Variants in AEN observed in about 807,000 individuals in gnomAD.
The protein encoded by AEN is apoptosis enhancing nuclease.
In AEN, 21 loss-of-function variants were observed where a neutral mutation model predicts 17.7. The observed-to-expected ratio is 1.19, with a 90% CI of 0.84 to 1.71. The LOEUF is 1.71. Among genes scored for constraint, AEN ranks in the 40% most tolerant of loss-of-function variants. The pLI, the probability that AEN is intolerant of heterozygous loss-of-function variation, is 0.00. For missense variants in AEN, 462 were observed against 435.9 expected (o/e 1.06, Z -0.53); for synonymous variants, 190 against 173.0 (o/e 1.10, Z -0.77).
chr15:88,616,293 C>T, the AEN span, among the ~76,000 whole-genome samples: 6 of 152,100 alleles, frequency 3.9e-5, no homozygotes, highest in South Asian at 8.3e-4. Context: ...GGAGTTTCAC[C>T]GTGTTGGTCA....
At chr15:88,618,005 C>T (rs1313957383), upstream of AEN, among the ~76,000 whole-genome samples, 1 of 152,174 alleles carries the variant, frequency 6.6e-6, no homozygotes, top group African/African-American at 2.4e-5. Flanking sequence ...CTGCCCCACC[C>T]TGTCACTCTC....
chr15:88,617,127 G>A (rs770173290), upstream of AEN, among the ~76,000 whole-genome samples: 1 of 152,114 alleles, frequency 6.6e-6, no homozygotes, highest in Non-Finnish European at 1.5e-5. Flanking sequence ...GTCTCACTAT[G>A]TTGCCCAGGC....
chr15:88,622,666 A>G (rs1161160219), intron 1 of AEN, among the ~76,000 whole-genome samples: 1 of 152,330 alleles, frequency 6.6e-6, no homozygotes, highest in Admixed American at 6.5e-5. Flanking sequence ...CTTCTATACA[A>G]TGTCTGAAAT....
chr15:88,624,337 G>C (rs1247264221), intron 1 of AEN, among the ~76,000 whole-genome samples: 1 of 152,202 alleles, frequency 6.6e-6, no homozygotes, highest in Non-Finnish European at 1.5e-5. Flanking sequence ...TGAGTGGGAA[G>C]GGAGGCTGTG....
At chr15:88,607,701 C>A in the AEN span, among the ~76,000 whole-genome samples, 264 of 152,286 alleles carry the variant, frequency 1.7e-3, 3 homozygotes, top group East Asian at 0.024. Context: ...CTTTTCTTTT[C>A]TCCTCTTGTT....
chr15:88,630,293 G>A lies in AEN; in HGVS notation c.977G>A (p.Ter326=), dbSNP rs2057911946. The change falls in exon 4 of 4, where the codon TGA becomes TAA. Residue 326 remains the stop codon, a stop_retained_variant. Coordinates refer to ENST00000332810, the MANE Select transcript of AEN (RefSeq NM_022767.4). The surrounding 1 kb of genome is among the most constrained non-coding windows in gnomAD (Gnocchi z 5.1). The part of the protein sequence containing the change: ...GAREAQDRRN[*] The stretch of plus-strand genomic sequence containing the variant: ...AGGGAGGCACAGGACAGAAGGAATT[G>A]AGAAGGGGGCGGGGCTCCCTGGCTG... The A allele has an allele frequency of 1.3e-6, 2 of 1,575,288 alleles. No homozygotes were observed. The highest frequency in any genetic ancestry group is 2.3e-5 in the South Asian group (2 of 86,186).
chr15:88,626,638 T>G lies in AEN; in HGVS notation c.429T>G (p.Tyr143Ter), dbSNP rs560646820. The change falls in exon 2 of 4, where the codon TAT becomes TAG. Residue 143 changes from tyrosine to a stop codon, truncating the protein, a stop_gained. Transcript: ENST00000332810. LOFTEE classifies it high-confidence loss of function. ...SIVSYHGNVL[Y>*]DKYIRPEMPI... ...TGAGCTACCATGGCAATGTCCTCTA[T>G]GACAAGTACATCAGGCCTGAGATGC... The G allele has an allele frequency of 1.2e-6, 2 of 1,613,932 alleles. No homozygotes were observed. The highest frequency in any genetic ancestry group is 2.7e-5 in the African/African-American group (2 of 74,954).
chr15:88,625,235 A>T (rs1165663168), intron 1 of AEN, among the ~76,000 whole-genome samples: 1 of 152,210 alleles, frequency 6.6e-6, no homozygotes, highest in Non-Finnish European at 1.5e-5. Flanking sequence ...AATTACACTT[A>T]AAGGCTGGAC....
chr15:88,610,383 A>G, the AEN span, among the ~76,000 whole-genome samples: 1 of 150,114 alleles, frequency 6.7e-6, no homozygotes, highest in African/African-American at 2.5e-5. Flanking sequence ...AAGGATGGGG[A>G]AAGGAGGTCT....
chr15:88,617,800 T>C (rs1434385992), upstream of AEN, among the ~76,000 whole-genome samples: 2 of 151,874 alleles, frequency 1.3e-5, no homozygotes, highest in African/African-American at 4.8e-5. Flanking sequence ...ATTTGCCTCA[T>C]AAGTGACTAG....
Position 88,630,396 on chromosome 15 carries a change from G to A in AEN, c.*102G>A. On this transcript the variant is annotated 3_prime_UTR_variant, in exon 4 of 4. Coordinates refer to ENST00000332810, the MANE Select transcript of AEN (RefSeq NM_022767.4). The surrounding 1 kb of genome is among the most constrained non-coding windows in gnomAD (Gnocchi z 5.1). ...CTTCCTGGGCAGGGTGGGGCAGGAT[G>A]CAGTGAGCCAGCCCCAGGGCCAGAG... 4.4e-6 allele frequency: 5 copies of A among 1,135,784 alleles called. No individual in the cohort carries two copies. The highest frequency in any genetic ancestry group is 6.3e-6 in the Non-Finnish European group (5 of 788,620). 70.4% of individuals were successfully genotyped at this position (1,135,784 alleles called of 1,614,324 possible). A position where few individuals can be genotyped will look rare whatever the true frequency, so the allele number is the denominator to read the frequency against.
At chr15:88,622,621 A>T (rs2057802165) in intron 1 of AEN, among the ~76,000 whole-genome samples, 1 of 151,546 alleles carries the variant, frequency 6.6e-6, no homozygotes, top group African/African-American at 2.4e-5. Flanking sequence ...TCAGAGTGAA[A>T]CAGAACAGAA....
chr15:88,630,908 C>CAATGG lies in AEN; in HGVS notation c.*614_*615insAATGG. ...TCTGGCTACAGCCATTGTAGGAACTCCGTGCCTGGCCTGTCAGCTCCCTGC... is the reference window on the plus strand; with the variant it reads ...TCTGGCTACAGCCATTGTAGGAACTCAATGGCGTGCCTGGCCTGTCAGCTCCCTGC... On this transcript the variant is annotated 3_prime_UTR_variant, in exon 4 of 4. Transcript: ENST00000332810. This position sits in a 1 kb window ranked among gnomAD's most constrained non-coding sequence, Gnocchi z 5.1. The CAATGG allele has an allele frequency of 3.3e-6, 1 of 306,976 alleles. No homozygotes were observed. The highest frequency in any genetic ancestry group is 6.7e-6 in the Non-Finnish European group (1 of 148,940). 19.0% of individuals were successfully genotyped at this position (306,976 alleles called of 1,614,324 possible).
At chr15:88,609,545 A>G in the AEN span, among the ~76,000 whole-genome samples, 1 of 152,212 alleles carries the variant, frequency 6.6e-6, no homozygotes, top group African/African-American at 2.4e-5. Context: ...GTTTGGGATC[A>G]TTGTCATGGA....
rs777238934 is a variant in AEN, at chr15:88,626,216, C to T, written c.7C>T (p.Pro3Ser). 2.5e-6 allele frequency: 4 copies of T among 1,582,920 alleles called. No individual in the cohort carries two copies. The East Asian group carries it at 9.0e-5, about 36-fold the overall frequency. Residue 3 changes from proline to serine, a missense_variant, in exon 2 of 4, where the codon CCC becomes TCC. By Grantham distance (74) the Pro-to-Ser change is moderately conservative. Coordinates refer to ENST00000332810, the MANE Select transcript of AEN (RefSeq NM_022767.4). MV[P>S]REAPESAQCL... ...AAGCAGTGAGCTGACTGGAATGGTA[C>T]CCCGGGAGGCCCCTGAGTCTGCTCA... is the stretch of plus-strand genomic sequence containing the variant.
upstream of AEN, among the ~76,000 whole-genome samples, chr15:88,616,513 A>G (rs1032815219): frequency 2.6e-5 from 4 of 152,300 alleles, no homozygotes; most frequent in East Asian, 5.8e-4. Flanking sequence ...TTGGAGGGTG[A>G]GTTTAGTGGT....
chr15:88,611,185 T>A, the AEN span, among the ~76,000 whole-genome samples: 1 of 152,158 alleles, frequency 6.6e-6, no homozygotes, highest in Admixed American at 6.5e-5. Context: ...GGGTCACCAT[T>A]TCCAAGCTCT....
At position 88,631,307 on chromosome 15, in the gene AEN, C is replaced by G. The variant is rs1296038121; in HGVS notation, c.*1013C>G. ...GTGGCCCTGAACCTGGTCTGGTGCC[C>G]CCGAACCTGGTCTGATGCCCCCTCA... On this transcript the variant is annotated 3_prime_UTR_variant, in exon 4 of 4. Transcript: ENST00000332810. 2 of 362,328 alleles carry G rather than the reference C, an allele frequency of 5.5e-6. No homozygotes were observed. Among genetic ancestry groups the G allele is most frequent in the African/African-American group, 4.2e-5 (2 of 48,176 alleles). The allele number at this position is 362,328 out of a possible 1,614,324, so 22.4% of individuals were successfully genotyped here.
chr15:88,626,169 C>T lies in AEN; in HGVS notation c.-41C>T, dbSNP rs373223142. 2.7e-5 allele frequency: 41 copies of T among 1,524,980 alleles called. No individual in the cohort carries two copies. The highest frequency in any genetic ancestry group is 3.3e-5 in the Non-Finnish European group (38 of 1,139,264). The allele number at this position is 1,524,980 out of a possible 1,614,324, so 94.5% of individuals were successfully genotyped here. ...AGGCTGCTGCCCCATTGGAAGATTACTCCCCAGGCTTCCCTTGCCCCAAGC... is the reference window on the plus strand; with the variant it reads ...AGGCTGCTGCCCCATTGGAAGATTATTCCCCAGGCTTCCCTTGCCCCAAGC... On this transcript the variant is annotated 5_prime_UTR_variant, in exon 2 of 4. Coordinates refer to ENST00000332810, the MANE Select transcript of AEN (RefSeq NM_022767.4).
Sources: gnomAD v4.1 joint callset for allele counts (sites outside exome capture counted in the v4.1 genomes callset) on GRCh38, gnomAD v4.1.1 for gene constraint, Gnocchi (gnomAD v3.1) non-coding constraint, MANE v1.5 for transcripts, NCBI Gene and HGNC (gene_info 2026-07-23, HGNC 2026-07-21) for gene names.